NRXN1: variants seen among roughly 807,000 people sequenced by gnomAD.
NRXN1 encodes the protein neurexin-1.
A neutral mutation model predicts 150.9 loss-of-function variants in NRXN1; 39 were observed. The ratio of observed to expected loss-of-function variants is 0.26; its 90% CI spans 0.20 to 0.34. The LOEUF (loss-of-function observed/expected upper bound fraction) is 0.34. Among genes scored for constraint, NRXN1 ranks in the 10% least tolerant of loss-of-function variants. The probability of loss-of-function intolerance (pLI) is 1.00; values close to 1 mark genes in which losing one functional copy is unlikely to be tolerated. For synonymous variants in NRXN1, 924 were observed against 757.0 expected (o/e 1.22, Z -3.62); for missense variants, 1,815 against 1,949.9 (o/e 0.93, Z 1.30).
At chr2:50,521,364 T>C (rs1275780966) in intron 12 of NRXN1, among the ~76,000 whole-genome samples, 1 of 152,154 alleles carries the variant, frequency 6.6e-6, no homozygotes, top group Non-Finnish European at 1.5e-5. Context: ...GAGTGAAGAA[T>C]TTCCACAATT....
chr2:51,025,434 A>G (rs562460259), intron 2 of NRXN1, among the ~76,000 whole-genome samples: 1 of 152,308 alleles, frequency 6.6e-6, no homozygotes, highest in Admixed American at 6.5e-5. Flanking sequence ...CTGATTATGC[A>G]TGATCTCTGA....
At chr2:50,462,284 G>C (rs990067919) in intron 17 of NRXN1, among the ~76,000 whole-genome samples, 1 of 151,752 alleles carries the variant, frequency 6.6e-6, no homozygotes, top group African/African-American at 2.4e-5. Context: ...TAAGGAAAAA[G>C]TGATGGCAAA....
chr2:49,977,234 A>T (rs1679146369), intron 21 of NRXN1, among the ~76,000 whole-genome samples: 1 of 152,154 alleles, frequency 6.6e-6, no homozygotes, highest in African/African-American at 2.4e-5. Context: ...GTTTTACATA[A>T]AAGTGCTGTA....
At chr2:50,267,536 G>A (rs2069040028) in intron 17 of NRXN1, among the ~76,000 whole-genome samples, 1 of 152,060 alleles carries the variant, frequency 6.6e-6, no homozygotes, top group African/African-American at 2.4e-5. Flanking sequence ...TTTTTCAGAA[G>A]GATGAAGCTG....
intron 19 of NRXN1, among the ~76,000 whole-genome samples, chr2:50,078,504 A>C (rs1239426914): frequency 6.6e-6 from 1 of 152,068 alleles, no homozygotes; most frequent in Non-Finnish European, 1.5e-5. Flanking sequence ...CTGTTGACTA[A>C]AGTATACACT....
At chr2:50,898,606 TA>T in intron 5 of NRXN1, 1 of 487,506 alleles carries the variant, frequency 2.1e-6, no homozygotes, top group South Asian at 1.5e-5. Flanking sequence ...AACTTTGCTG[TA>T]ATATTCTATG....
chr2:50,753,376 A>G (rs1440944444), intron 5 of NRXN1, among the ~76,000 whole-genome samples: 2 of 151,872 alleles, frequency 1.3e-5, no homozygotes, highest in African/African-American at 2.4e-5. Context: ...TGAACTAGGA[A>G]GGCTCCTAGC....
chr2:50,643,318 T>A (rs1459985872), intron 5 of NRXN1, among the ~76,000 whole-genome samples: 2 of 151,962 alleles, frequency 1.3e-5, no homozygotes, highest in Non-Finnish European at 2.9e-5. Flanking sequence ...AAAAAAGTAA[T>A]GTTTACTCAG....
rs575653349 is a variant in NRXN1 at position 50,893,548 on chromosome 2, A to T, written c.832+28321T>A. On this transcript the variant is annotated intron_variant, in intron 5 of 22. Transcript: ENST00000401669. ...GATTCTTCTTAGAAGCTATTCTGAT[A>T]TTTGAGATGTCCCCATGTCATATAA... Among the ~76,000 whole-genome samples the T allele has an allele frequency of 9.9e-5, 15 of 152,260 alleles. No homozygotes were observed. The South Asian group carries it at 2.5e-3, about 25-fold the overall frequency.
At position 50,594,636 on chromosome 2, in the gene NRXN1, G is replaced by A. The variant is rs112071334; in HGVS notation, c.1320+25386C>T. Among the ~76,000 whole-genome samples, 497 of 152,224 alleles carry A rather than the reference G, an allele frequency of 3.3e-3. 2 individuals are homozygous for A. The highest frequency in any genetic ancestry group is 0.011 in the African/African-American group (466 of 41,530). On this transcript the variant is annotated intron_variant, in intron 8 of 22. Coordinates refer to ENST00000401669, the MANE Select transcript of NRXN1 (RefSeq NM_001330078.2). ...GGACTAAGAAATGTCTCTTTCTAAGGCCCATAGAAATAGTATAAATGTGTT... is the reference window on the plus strand; with the variant it reads ...GGACTAAGAAATGTCTCTTTCTAAGACCCATAGAAATAGTATAAATGTGTT...
chr2:50,291,947 C>A (rs2152944739), intron 17 of NRXN1, among the ~76,000 whole-genome samples: 1 of 152,216 alleles, frequency 6.6e-6, no homozygotes, highest in South Asian at 2.1e-4. Context: ...TAATGGCACT[C>A]TTTTAGTGTT....
chr2:50,584,448 T>G (rs934245541), intron 8 of NRXN1, among the ~76,000 whole-genome samples: 1 of 152,244 alleles, frequency 6.6e-6, no homozygotes, highest in Non-Finnish European at 1.5e-5. Context: ...ACTGTGGTCA[T>G]TGAAAAAGTT....
rs1292673051 is a variant in NRXN1, at chr2:50,284,242, C to G, written c.3365-47272G>C. 2.0e-5 allele frequency among the ~76,000 whole-genome samples: 3 copies of G among 152,136 alleles called. 1 individual carries two copies. Among genetic ancestry groups the G allele is most frequent in the South Asian group, 4.1e-4 (2 of 4,826 alleles). ...TTTCAGTTCCTTAAAAGTGGTATTT[C>G]TCTTCATGTCTTAATCCAAGGCCGA... On this transcript the variant is annotated intron_variant, in intron 17 of 22. Transcript: ENST00000401669.
At position 50,052,271 on chromosome 2, in the gene NRXN1, G is replaced by A. The variant is rs74337260; in HGVS notation, c.4128+1000C>T. Among the ~76,000 whole-genome samples, 56 of 152,144 alleles carry A rather than the reference G, an allele frequency of 3.7e-4. No individual in the cohort carries two copies. The East Asian group carries it at 9.8e-3, about 27-fold the overall frequency. On this transcript the variant is annotated intron_variant, in intron 21 of 22. Coordinates refer to ENST00000401669, the MANE Select transcript of NRXN1 (RefSeq NM_001330078.2). ...ATTTTTCTGGAAAAGTAGGGATCGT[G>A]TATTTGGAAAAGCTTTAAATGGCAC... is the stretch of plus-strand genomic sequence containing the variant.
chr2:50,627,085 A>G (rs1681233230), intron 5 of NRXN1, among the ~76,000 whole-genome samples: 2 of 151,956 alleles, frequency 1.3e-5, no homozygotes, highest in Non-Finnish European at 2.9e-5. Flanking sequence ...AGAAAAGAGA[A>G]TAATTCCACA....
intron 5 of NRXN1, among the ~76,000 whole-genome samples, chr2:50,786,013 C>T (rs1172767727): frequency 6.6e-6 from 1 of 151,992 alleles, no homozygotes; most frequent in African/African-American, 2.4e-5. Flanking sequence ...TAGGCCTTTT[C>T]ACTTGCACTC....
At chr2:50,697,531 G>A (rs773544270) in intron 5 of NRXN1, among the ~76,000 whole-genome samples, 23 of 152,248 alleles carry the variant, frequency 1.5e-4, no homozygotes, top group Non-Finnish European at 2.4e-4. Flanking sequence ...CATCTTGAAC[G>A]TAATGACTGC....
At chr2:50,475,514 C>T (rs1414154398) in intron 15 of NRXN1, among the ~76,000 whole-genome samples, 1 of 152,146 alleles carries the variant, frequency 6.6e-6, no homozygotes, top group Non-Finnish European at 1.5e-5. Context: ...AAAAAACTTA[C>T]TTGCCTGACA....
At chr2:50,508,414 GA>G (rs59406629) in intron 12 of NRXN1, among the ~76,000 whole-genome samples, 41 of 148,316 alleles carry the variant, frequency 2.8e-4, no homozygotes, top group South Asian at 6.4e-4. Context: ...GTTCCAGGAT[GA>G]AAAAAAAAAA....
Sources: gnomAD v4.1 joint callset for allele counts (sites outside exome capture counted in the v4.1 genomes callset) on GRCh38, gnomAD v4.1.1 for gene constraint, MANE v1.5 for transcripts, NCBI Gene and HGNC (gene_info 2026-07-23, HGNC 2026-07-21) for gene names.